The following FABP6 variants were observed in gnomAD, a reference collection of about 807,000 sequenced individuals.
FABP6 encodes the protein fatty acid binding protein 6.
FABP6 carries 13 observed loss-of-function variants against 14.9 expected under a neutral mutation model. The ratio of observed to expected loss-of-function variants is 0.87; its 90% CI spans 0.57 to 1.39. The LOEUF is 1.39. FABP6 is among the 40% of genes most tolerant of loss of function. The pLI, the probability that FABP6 is intolerant of heterozygous loss-of-function variation, is 0.00. For missense variants in FABP6, 161 were observed against 167.2 expected, an observed-to-expected ratio of 0.96 and a Z score of 0.20; for synonymous variants, 75 against 63.6, an observed-to-expected ratio of 1.18 and a Z score of -0.85.
At chr5:160,221,708 GT>G (rs11444347) in intron 3 of FABP6, among the ~76,000 whole-genome samples, 3 of 151,766 alleles carry the variant, frequency 2.0e-5, no homozygotes, top group East Asian at 1.9e-4. Flanking sequence ...AATGGATGGA[GT>G]TTTTTTTCAG....
At chr5:160,214,033 A>C (rs1323671109) in intron 3 of FABP6, among the ~76,000 whole-genome samples, 1 of 152,106 alleles carries the variant, frequency 6.6e-6, no homozygotes, top group Non-Finnish European at 1.5e-5. Flanking sequence ...CAACTTTATA[A>C]ATCACCTTTT....
chr5:160,194,062 G>A (rs1292525835), intron 1 of FABP6, among the ~76,000 whole-genome samples: 1 of 152,238 alleles, frequency 6.6e-6, no homozygotes, highest in Non-Finnish European at 1.5e-5. Context: ...GCTAAGGCCC[G>A]GCGAGAAATC....
chr5:160,228,259 T>C (rs535934239), upstream of FABP6, among the ~76,000 whole-genome samples: 4 of 151,996 alleles, frequency 2.6e-5, no homozygotes, highest in African/African-American at 4.8e-5. Context: ...GGTGTGGTGG[T>C]GCATGCCTGT....
chr5:160,193,956 G>C (rs370948828), intron 1 of FABP6, among the ~76,000 whole-genome samples: 3 of 152,216 alleles, frequency 2.0e-5, no homozygotes, highest in Non-Finnish European at 4.4e-5. Context: ...GGCGGCGCTC[G>C]TCGGGGAGGC....
rs2277954 is a variant in FABP6 at position 160,238,592 on chromosome 5, G to A, written c.334-14G>A. 1,387,181 of 1,612,934 alleles carry A rather than the reference G, an allele frequency of 0.86. 604,694 individuals carry two copies. The highest frequency in any genetic ancestry group is 0.9 in the Non-Finnish European group (1,057,977 of 1,179,142). On this transcript the variant is annotated splice_polypyrimidine_tract_variant and intron_variant, in intron 3 of 3. Transcript: ENST00000402432. ...TGGGGCACTGACTCCCTCTGTCCCG[G>A]CTGCTTCTTTCAGGTCTCCACCATC...
At chr5:160,193,891 G>T (rs1162281536) in intron 1 of FABP6, among the ~76,000 whole-genome samples, 1 of 152,152 alleles carries the variant, frequency 6.6e-6, no homozygotes. Flanking sequence ...CGCGCCATGC[G>T]CTCGCACTCC....
At chr5:160,188,882 A>G (rs1331028871) in intron 1 of FABP6, among the ~76,000 whole-genome samples, 1 of 151,996 alleles carries the variant, frequency 6.6e-6, no homozygotes, top group Non-Finnish European at 1.5e-5. Flanking sequence ...TGGCCCCTGG[A>G]TTATCTGGGT....
In FABP6 at chr5:160,210,418, C is replaced by T. The variant is rs116707582; in HGVS notation, c.52-3318C>T. ...GTACAAGTTACCTTTCAACCTGGAA[C>T]AGCACCTCAAACATGAAGGAATCTA... On this transcript the variant is annotated intron_variant, in intron 2 of 6. Transcript: ENST00000393980. Among the ~76,000 whole-genome samples, 767 of 152,320 alleles carry T rather than the reference C, an allele frequency of 5.0e-3. 7 individuals carry two copies. Among genetic ancestry groups the T allele is most frequent in the African/African-American group, 0.018 (734 of 41,562 alleles).
intron 1 of FABP6, among the ~76,000 whole-genome samples, chr5:160,194,259 C>T (rs1170848541): frequency 2.0e-5 from 3 of 152,230 alleles, no homozygotes; most frequent in Non-Finnish European, 4.4e-5. Flanking sequence ...CGCATCCGCA[C>T]GCAGCCCCAG....
chr5:160,215,803 G>C (rs1333240335), intron 3 of FABP6, among the ~76,000 whole-genome samples: 2 of 152,122 alleles, frequency 1.3e-5, no homozygotes, highest in Non-Finnish European at 2.9e-5. Flanking sequence ...CAAACCAGCT[G>C]CTGTTGTGAG....
chr5:160,187,685 C>T (rs908002186), intron 1 of FABP6, among the ~76,000 whole-genome samples: 6 of 152,102 alleles, frequency 3.9e-5, no homozygotes, highest in Admixed American at 6.6e-5. Context: ...TCTACCCATT[C>T]CATCAACAGT....
chr5:160,229,069 G>T (rs1015906788), upstream of FABP6, among the ~76,000 whole-genome samples: 1 of 152,200 alleles, frequency 6.6e-6, no homozygotes, highest in Non-Finnish European at 1.5e-5. Flanking sequence ...AGAACTCTCT[G>T]CAGGTGTGTG....
intron 3 of FABP6, 66 bp downstream of exon 3, chr5:160,234,975 C>A: frequency 1.4e-6 from 2 of 1,422,282 alleles, no homozygotes; most frequent in South Asian, 1.2e-5. Flanking sequence ...CACAGCCCCT[C>A]AGAAGTAGGC....
At chr5:160,227,819 C>CGTGTGT (rs763474232), upstream of FABP6, among the ~76,000 whole-genome samples, 527 of 145,714 alleles carry the variant, frequency 3.6e-3, 2 homozygotes, top group African/African-American at 7.9e-3. Flanking sequence ...AAATCCATGA[C>CGTGTGT]GTGTGTGTGT....
chr5:160,204,859 A>G (rs1759727545), intron 2 of FABP6: 1 of 152,208 alleles, frequency 6.6e-6, no homozygotes, highest in African/African-American at 2.4e-5. Context: ...CTCAGGGCCT[A>G]TCCAAGGTAG....
intron 2 of FABP6, among the ~76,000 whole-genome samples, chr5:160,203,193 C>T (rs1561743533): frequency 6.6e-6 from 1 of 152,194 alleles, no homozygotes; most frequent in East Asian, 1.9e-4. Flanking sequence ...TGAGCCACCA[C>T]GCCCTGCCAG....
upstream of FABP6, among the ~76,000 whole-genome samples, chr5:160,227,848 G>C (rs923574678): frequency 3.2e-4 from 48 of 149,006 alleles, no homozygotes; most frequent in Middle Eastern, 6.9e-3. Flanking sequence ...GTGTGTGTGT[G>C]TGTCTGTCTG....
At chr5:160,229,492 G>C, upstream of FABP6, 1 of 1,610,628 alleles carries the variant, frequency 6.2e-7, no homozygotes, top group Middle Eastern at 1.7e-4. Context: ...AGCTGGGATA[G>C]CAGACCCCTC....
intron 1 of FABP6, among the ~76,000 whole-genome samples, chr5:160,231,196 T>G (rs187551688): frequency 6.6e-6 from 1 of 152,088 alleles, no homozygotes; most frequent in Non-Finnish European, 1.5e-5. Context: ...CTCTGAGTCA[T>G]GTATTGGCAG....
Sources: allele counts gnomAD v4.1 joint callset (sites outside exome capture counted in the v4.1 genomes callset), GRCh38; gene constraint gnomAD v4.1.1; transcripts MANE v1.5; gene names NCBI Gene and HGNC (gene_info 2026-07-23, HGNC 2026-07-21).